ST8SIA4: variants seen among roughly 807,000 people sequenced by gnomAD.
ST8SIA4 encodes CMP-N-acetylneuraminate-poly-alpha-2,8-sialyltransferase.
Under a neutral mutation model 33.9 loss-of-function variants are expected in ST8SIA4, and 15 were observed. That is an observed-to-expected ratio of 0.44 (90% CI 0.30 to 0.68). The LOEUF (loss-of-function observed/expected upper bound fraction) is 0.68. ST8SIA4 is among the 30% of genes least tolerant of loss of function. The pLI is 0.10. For missense variants in ST8SIA4, 321 were observed against 428.0 expected, an observed-to-expected ratio of 0.75 and a Z score of 2.21; for synonymous variants, 171 against 151.2, an observed-to-expected ratio of 1.13 and a Z score of -0.96.
intron 3 of ST8SIA4, among the ~76,000 whole-genome samples, chr5:100,882,118 A>G (rs1234028695): frequency 6.6e-6 from 1 of 152,196 alleles, no homozygotes; most frequent in Non-Finnish European, 1.5e-5. Flanking sequence ...ACAAGACAGG[A>G]AAATGTGGGA....
At chr5:100,864,337 G>A (rs994252839) in intron 3 of ST8SIA4, among the ~76,000 whole-genome samples, 9 of 152,056 alleles carry the variant, frequency 5.9e-5, no homozygotes, top group Admixed American at 3.9e-4. Context: ...CACTTTGGGA[G>A]GCCGAGGTGG....
chr5:100,832,208 A>G (rs1289380823), intron 4 of ST8SIA4, among the ~76,000 whole-genome samples: 1 of 152,072 alleles, frequency 6.6e-6, no homozygotes, highest in African/African-American at 2.4e-5. Flanking sequence ...TTAATTATTT[A>G]TATTTATTTT....
At chr5:100,849,494 A>G (rs748533293) in intron 4 of ST8SIA4, 58 of 983,030 alleles carry the variant, frequency 5.9e-5, no homozygotes, top group Middle Eastern at 5.2e-4. Flanking sequence ...TTTAAGAAAC[A>G]CTGCTGGCTG....
At chr5:100,883,944 G>A (rs1407595079) in intron 3 of ST8SIA4, among the ~76,000 whole-genome samples, 3 of 152,120 alleles carry the variant, frequency 2.0e-5, no homozygotes, top group Non-Finnish European at 4.4e-5. Context: ...AAGTGCTAAG[G>A]CTATTCTGCT....
At chr5:100,830,120 G>A (rs566607449) in intron 4 of ST8SIA4, among the ~76,000 whole-genome samples, 1 of 152,180 alleles carries the variant, frequency 6.6e-6, no homozygotes, top group East Asian at 1.9e-4. Flanking sequence ...TATGTGGCTC[G>A]CTCTAAGACT....
intron 4 of ST8SIA4, among the ~76,000 whole-genome samples, chr5:100,845,367 A>G (rs926029778): frequency 1.3e-5 from 2 of 151,690 alleles, no homozygotes; most frequent in Non-Finnish European, 1.5e-5. Flanking sequence ...TTAAACTCCC[A>G]ACTATTTAAT....
At chr5:100,848,924 A>C (rs1246379690) in intron 4 of ST8SIA4, 1 of 161,842 alleles carries the variant, frequency 6.2e-6, no homozygotes, top group African/African-American at 2.4e-5. Context: ...TTTCTTATAT[A>C]TTTCAAATAT....
At chr5:100,854,772 T>C (rs1210848691) in intron 4 of ST8SIA4, among the ~76,000 whole-genome samples, 4 of 152,228 alleles carry the variant, frequency 2.6e-5, no homozygotes, top group African/African-American at 9.7e-5. Context: ...TAAGAAACTA[T>C]TTTTAAGTCT....
intron 4 of ST8SIA4, among the ~76,000 whole-genome samples, chr5:100,828,549 C>T (rs1477224885): frequency 2.0e-5 from 3 of 152,268 alleles, no homozygotes; most frequent in East Asian, 1.9e-4. Flanking sequence ...TTTCTAATCA[C>T]GTCTTTGCTA....
chr5:100,864,730 T>C (rs1360364691), intron 3 of ST8SIA4, among the ~76,000 whole-genome samples: 2 of 152,132 alleles, frequency 1.3e-5, no homozygotes, highest in African/African-American at 2.4e-5. Flanking sequence ...AATCATTTTG[T>C]AAAGTTCTCT....
At chr5:100,838,839 T>C (rs903579264) in intron 4 of ST8SIA4, among the ~76,000 whole-genome samples, 2 of 152,122 alleles carry the variant, frequency 1.3e-5, no homozygotes, top group South Asian at 2.1e-4. Context: ...CTAGCAAATA[T>C]GTACAATAGA....
chr5:100,879,914 T>A (rs1752380911), intron 3 of ST8SIA4, among the ~76,000 whole-genome samples: 1 of 152,144 alleles, frequency 6.6e-6, no homozygotes. Flanking sequence ...GAGGAGATGA[T>A]GACTAGATGA....
intron 3 of ST8SIA4, among the ~76,000 whole-genome samples, chr5:100,859,652 G>A (rs979726919): frequency 3.3e-5 from 5 of 152,028 alleles, no homozygotes; most frequent in Admixed American, 6.6e-5. Flanking sequence ...CACTGCATAT[G>A]ATGGCTTCTC....
At chr5:100,830,605 T>C (rs551306195) in intron 4 of ST8SIA4, among the ~76,000 whole-genome samples, 1 of 152,336 alleles carries the variant, frequency 6.6e-6, no homozygotes, top group Admixed American at 6.5e-5. Flanking sequence ...AACAGACTTA[T>C]TTTATGTGTT....
At chr5:100,818,247 G>T (rs1314154927) in intron 4 of ST8SIA4, among the ~76,000 whole-genome samples, 1 of 152,084 alleles carries the variant, frequency 6.6e-6, no homozygotes, top group East Asian at 1.9e-4. Context: ...AAGTCCTTAG[G>T]ATCATTTCCA....
intron 3 of ST8SIA4, among the ~76,000 whole-genome samples, chr5:100,866,498 C>A (rs762926867): frequency 1.5e-4 from 22 of 151,474 alleles, no homozygotes; most frequent in Non-Finnish European, 2.7e-4. Flanking sequence ...AAATTTACTT[C>A]AATGAAATGT....
At chr5:100,826,913 T>C (rs1357007329) in intron 4 of ST8SIA4, among the ~76,000 whole-genome samples, 1 of 150,466 alleles carries the variant, frequency 6.6e-6, no homozygotes, top group East Asian at 1.9e-4. Context: ...ATAACACATA[T>C]GTAAATATAT....
chr5:100,828,826 C>A (rs1031665013), intron 4 of ST8SIA4, among the ~76,000 whole-genome samples: 1 of 152,010 alleles, frequency 6.6e-6, no homozygotes, highest in Non-Finnish European at 1.5e-5. Context: ...GGGAAGAGTT[C>A]CGTTTTTTTT....
chr5:100,888,566 A>C (rs370108560), intron 2 of ST8SIA4, among the ~76,000 whole-genome samples: 7 of 151,972 alleles, frequency 4.6e-5, no homozygotes, highest in African/African-American at 1.7e-4. Flanking sequence ...CATTATTATA[A>C]CATTTAAGAT....
Sources: gnomAD v4.1 joint callset for allele counts (sites outside exome capture counted in the v4.1 genomes callset) on GRCh38, gnomAD v4.1.1 for gene constraint, MANE v1.5 for transcripts, NCBI Gene and HGNC (gene_info 2026-07-23, HGNC 2026-07-21) for gene names.